FLCN: variants seen among roughly 807,000 people sequenced by gnomAD.
The protein encoded by FLCN is BHD skin lesion fibrofolliculoma protein.
In FLCN, 22 loss-of-function variants were observed where a neutral mutation model predicts 62.5. That is an observed-to-expected ratio of 0.35 (90% CI 0.25 to 0.50). The LOEUF (loss-of-function observed/expected upper bound fraction) is 0.50. Among genes scored for constraint, FLCN ranks in the 20% least tolerant of loss-of-function variants. The pLI is 0.97. For missense variants in FLCN, 657 were observed against 778.0 expected, an observed-to-expected ratio of 0.84 and a Z score of 1.85; for synonymous variants, 319 against 310.0, an observed-to-expected ratio of 1.03 and a Z score of -0.30.
chr17:17,220,848 G>A (rs190623596), intron 8 of FLCN: 1 of 207,390 alleles, frequency 4.8e-6, no homozygotes, highest in Non-Finnish European at 9.9e-6. Context: ...GCTTATTTGA[G>A]GGCACGCCTG....
At chr17:17,222,805 C>A in intron 6 of FLCN, 144 bp from the exon 7 acceptor site, 1 of 918,546 alleles carries the variant, frequency 1.1e-6, no homozygotes. Flanking sequence ...CACAAAGTGC[C>A]ACCAGTCCAA....
At chr17:17,228,361 T>A (rs1477499696) in intron 3 of FLCN, 200 bp from the exon 4 acceptor site, 2 of 600,102 alleles carry the variant, frequency 3.3e-6, no homozygotes, top group Non-Finnish European at 5.8e-6. Flanking sequence ...CCCATGGGAG[T>A]CACAGCAAAT....
Position 17,215,332 on chromosome 17 carries a change from GC to G in FLCN, c.1301-17del, listed in dbSNP as rs2144841050. 1 of 1,613,652 alleles carries G rather than the reference GC, an allele frequency of 6.2e-7. No individual in the cohort carries two copies. The highest frequency in any genetic ancestry group is 1.3e-5 in the African/African-American group (1 of 75,034). Reference sequence around the variant, plus strand: ...ACAGCAAACTCTGTAACAACACAAGGCCCGTGGCTCCTCATCTCCCCCATGC... The same window carrying G: ...ACAGCAAACTCTGTAACAACACAAGGCCGTGGCTCCTCATCTCCCCCATGC... On this transcript the variant is annotated splice_polypyrimidine_tract_variant and intron_variant, in intron 11 of 13. Coordinates refer to ENST00000285071, the MANE Select transcript of FLCN (RefSeq NM_144997.7).
In FLCN at chr17:17,217,334, G is replaced by A. The variant is rs1162332878; in HGVS notation, c.1063-152C>T. ...TATCTTCTCAGGGAGGCGGGTGCCCGGCCCAGGGTTAAAGGGGCAGAGAGA... is the reference window on the plus strand; with the variant it reads ...TATCTTCTCAGGGAGGCGGGTGCCCAGCCCAGGGTTAAAGGGGCAGAGAGA... On this transcript the variant is annotated intron_variant, in intron 9 of 13. Coordinates refer to ENST00000285071, the MANE Select transcript of FLCN (RefSeq NM_144997.7). 11 of 698,676 alleles carry A rather than the reference G, an allele frequency of 1.6e-5. 1 individual carries two copies. The highest frequency in any genetic ancestry group is 7.6e-5 in the South Asian group (5 of 65,738). The allele number at this position is 698,676 out of a possible 1,614,324, so 43.3% of individuals were successfully genotyped here.
At position 17,212,617 on chromosome 17, in the gene FLCN, T is replaced by C. The variant is rs1052438501; in HGVS notation, c.*1038A>G. 1.1e-5 allele frequency: 2 copies of C among 174,670 alleles called. No individual in the cohort carries two copies. Among genetic ancestry groups the C allele is most frequent in the East Asian group, 2.0e-4 (2 of 10,052 alleles). 10.8% of individuals were successfully genotyped at this position (174,670 alleles called of 1,614,324 possible). On this transcript the variant is annotated 3_prime_UTR_variant, in exon 14 of 14. Coordinates refer to ENST00000285071, the MANE Select transcript of FLCN (RefSeq NM_144997.7). The stretch of plus-strand genomic sequence containing the variant: ...CCGGCCAACACGGTGAAACCCCGTC[T>C]CTACTAAAAAATACAAAAATTAGCT...
chr17:17,220,750 G>C (rs2047062337), intron 8 of FLCN: 1 of 170,768 alleles, frequency 5.9e-6, no homozygotes, highest in African/African-American at 2.4e-5. Flanking sequence ...TGGCTCCAGG[G>C]CCAGCCAACC....
Position 17,222,650 on chromosome 17 carries a change from T to C in FLCN, c.630A>G (p.Ala210=), listed in dbSNP as rs1305220357. The C allele has an allele frequency of 4.3e-6, 7 of 1,614,116 alleles. No individual in the cohort carries two copies. Among genetic ancestry groups the C allele is most frequent in the Non-Finnish European group, 5.9e-6 (7 of 1,180,052 alleles). ...CACGCTGTGGGCATCCAAACTGCTCTGCCTCAAACACCTGAAATGCAAAGG... is the reference window on the plus strand; with the variant it reads ...CACGCTGTGGGCATCCAAACTGCTCCGCCTCAAACACCTGAAATGCAAAGG... The part of the protein sequence containing the change: ...LQGKALKVFE[A]EQFGCPQRAQ... The change falls in exon 7 of 14, where the codon GCA becomes GCG. Residue 210 remains alanine (A), a synonymous_variant. Transcript: ENST00000285071.
intron 8 of FLCN, chr17:17,220,883 A>C: frequency 4.1e-6 from 1 of 245,446 alleles, no homozygotes. Flanking sequence ...AACACCTCGA[A>C]ACAGCTCTGG....
intron 3 of FLCN, among the ~76,000 whole-genome samples, chr17:17,230,472 G>A (rs1339366244): frequency 1.3e-5 from 2 of 151,910 alleles, no homozygotes; most frequent in South Asian, 2.1e-4. Context: ...CAAGGTTGCA[G>A]TGAGCCGAGA....
At chr17:17,234,184 A>C (rs1378847606) in intron 1 of FLCN, among the ~76,000 whole-genome samples, 1 of 150,618 alleles carries the variant, frequency 6.6e-6, no homozygotes, top group African/African-American at 2.4e-5. Context: ...CCCAGAGCCA[A>C]CATGGGCTAC....
At chr17:17,230,231 A>G (rs1049160580) in intron 3 of FLCN, among the ~76,000 whole-genome samples, 22 of 152,182 alleles carry the variant, frequency 1.4e-4, no homozygotes, top group Non-Finnish European at 2.8e-4. Context: ...ATTAGCTAGG[A>G]GAGGCCGGCA....
rs1171322587 is a variant in FLCN, at chr17:17,216,136, C to T, written c.1300+244G>A. On this transcript the variant is annotated intron_variant, in intron 11 of 13. Transcript: ENST00000285071. This position sits in a 1 kb window ranked among gnomAD's most constrained non-coding sequence, Gnocchi z 4.0. ...CTCCGGCCAGGGACACATCCTCCCA[C>T]CCCACGATGGTGACCTGCAGCCCAC... Among the ~76,000 whole-genome samples, 1 of 152,196 alleles carries T rather than the reference C, an allele frequency of 6.6e-6. No individual in the cohort carries two copies. Among genetic ancestry groups the T allele is most frequent in the African/African-American group, 2.4e-5 (1 of 41,438 alleles).
chr17:17,215,534 T>C (rs1483202931), intron 11 of FLCN, among the ~76,000 whole-genome samples: 1 of 152,224 alleles, frequency 6.6e-6, no homozygotes, highest in Non-Finnish European at 1.5e-5. Context: ...AATAATTTAT[T>C]ATATTACAAT....
At position 17,216,394 on chromosome 17, in the gene FLCN, TG is replaced by T. The variant is rs80338682; in HGVS notation, c.1285del (p.His429ThrfsTer39). ...GLSPHVQIPPHVLSSEFAVIV... is the reference protein window; with the variant it reads ...GLSPHVQIPPXVLSSEFAVIV... ...GGGGCACGCACCTGAGGAGAGCACGTGGGGGGGGATCTGCACGTGCGGGCTG... is the reference window on the plus strand; with the variant it reads ...GGGGCACGCACCTGAGGAGAGCACGTGGGGGGGATCTGCACGTGCGGGCTG... On this transcript the variant is annotated frameshift_variant, in exon 11 of 14. Coordinates refer to ENST00000285071, the MANE Select transcript of FLCN (RefSeq NM_144997.7). LOFTEE classifies it high-confidence loss of function. The surrounding 1 kb of genome is among the most constrained non-coding windows in gnomAD (Gnocchi z 4.0). The T allele has an allele frequency of 1.1e-5, 17 of 1,612,434 alleles. No individual in the cohort carries two copies. The highest frequency in any genetic ancestry group is 2.2e-5 in the East Asian group (1 of 44,854).
At chr17:17,219,249 G>A (rs1296579861) in intron 8 of FLCN, 40 bp from the exon 9 acceptor site, 1 of 1,604,076 alleles carries the variant, frequency 6.2e-7, no homozygotes, top group East Asian at 2.2e-5. Context: ...GATACAAACA[G>A]TCTCATCCTG....
rs1209487287 is a variant in FLCN at position 17,222,544 on chromosome 17, T to TTGTCAGCGA, written c.727_735dup (p.Leu244_Ser246dup). 1 of 1,614,202 alleles carries TTGTCAGCGA rather than the reference T, an allele frequency of 6.2e-7. No individual in the cohort carries two copies. The highest frequency in any genetic ancestry group is 8.5e-7 in the Non-Finnish European group (1 of 1,180,034). ...AGGCACGCCCACAGGTTGTCATCACTTGTCAGCGATGTCAGCGAGCGGGCG... is the reference window on the plus strand; with the variant it reads ...AGGCACGCCCACAGGTTGTCATCACTTGTCAGCGATGTCAGCGATGTCAGCGAGCGGGCG... On this transcript the variant is annotated inframe_insertion, in exon 7 of 14. Transcript: ENST00000285071.
Position 17,227,876 on chromosome 17 carries a change from C to G in FLCN, c.249+13G>C, listed in dbSNP as rs200103733. On this transcript the variant is annotated intron_variant, in intron 4 of 13. Transcript: ENST00000285071. ...TGCAGGGATCACAAAACCAAGACCC[C>G]AAAGACACTTGCCTCGCACATGTCC... is the stretch of plus-strand genomic sequence containing the variant. 9.8e-5 allele frequency: 158 copies of G among 1,614,098 alleles called. No homozygotes were observed. The highest frequency in any genetic ancestry group is 1.3e-4 in the Non-Finnish European group (148 of 1,180,016).
At chr17:17,222,123 G>A (rs1483285506) in intron 7 of FLCN, among the ~76,000 whole-genome samples, 1 of 151,454 alleles carries the variant, frequency 6.6e-6, no homozygotes, top group African/African-American at 2.4e-5. Flanking sequence ...GATCACATGA[G>A]GTCAGGAGTT....
At position 17,213,358 on chromosome 17, in the gene FLCN, G is replaced by C. The variant is rs1033899157; in HGVS notation, c.*297C>G. On this transcript the variant is annotated 3_prime_UTR_variant, in exon 14 of 14. Coordinates refer to ENST00000285071, the MANE Select transcript of FLCN (RefSeq NM_144997.7). The stretch of plus-strand genomic sequence containing the variant: ...GGGTTTTGAGTCTAAGTCCACAAGG[G>C]GCCTGGGAGGCAAGCTGTCCTCCTA... 5.6e-6 allele frequency: 3 copies of C among 535,754 alleles called. No individual in the cohort carries two copies. The African/African-American group carries it at 5.7e-5, about 10-fold the overall frequency. The allele number at this position is 535,754 out of a possible 1,614,324, so 33.2% of individuals were successfully genotyped here. A position where few individuals can be genotyped will look rare whatever the true frequency, so the allele number is the denominator to read the frequency against.
Sources: allele counts gnomAD v4.1 joint callset (sites outside exome capture counted in the v4.1 genomes callset), GRCh38; gene constraint gnomAD v4.1.1; non-coding constraint Gnocchi (gnomAD v3.1); transcripts MANE v1.5; gene names NCBI Gene and HGNC (gene_info 2026-07-23, HGNC 2026-07-21).